The following EXOC6B variants were observed in gnomAD, a reference collection of about 807,000 sequenced individuals.
EXOC6B encodes the protein SEC15 homolog B.
In EXOC6B, 54 loss-of-function variants were observed where a neutral mutation model predicts 113.5. The observed-to-expected ratio is 0.48, with a 90% CI of 0.38 to 0.60. EXOC6B has a LOEUF of 0.60. EXOC6B is among the 20% of genes least tolerant of loss of function. The probability of loss-of-function intolerance (pLI) is 0.00; values close to 1 mark genes in which losing one functional copy is unlikely to be tolerated. For missense variants in EXOC6B, 797 were observed against 977.5 expected, an observed-to-expected ratio of 0.82 and a Z score of 2.46; for synonymous variants, 357 against 339.0, an observed-to-expected ratio of 1.05 and a Z score of -0.58.
intron 18 of EXOC6B, among the ~76,000 whole-genome samples, chr2:72,460,926 C>T (rs1159214806): frequency 1.3e-5 from 2 of 151,218 alleles, no homozygotes; most frequent in Admixed American, 6.6e-5. Context: ...TATTGCGGCA[C>T]TATTCACAAT....
intron 18 of EXOC6B, among the ~76,000 whole-genome samples, chr2:72,407,388 T>A (rs1159441842): frequency 6.6e-6 from 1 of 152,116 alleles, no homozygotes; most frequent in Middle Eastern, 3.2e-3. Flanking sequence ...ATCCCGATAC[T>A]AAAGCCTGGC....
At position 72,807,252 on chromosome 2, in the gene EXOC6B, C is replaced by G. The variant is rs187470843; in HGVS notation, c.113+18546G>C. ...TCTTCCACATATGGTTAACCAGTTA[C>G]CCCAGCACCGTTTATTAAATGGGGA... On this transcript the variant is annotated intron_variant, in intron 1 of 21. Transcript: ENST00000272427. 3.3e-4 allele frequency among the ~76,000 whole-genome samples: 50 copies of G among 152,200 alleles called. No individual in the cohort carries two copies. The East Asian group carries it at 7.7e-3, about 24-fold the overall frequency.
At chr2:72,496,347 T>C (rs1700032700) in intron 14 of EXOC6B, 107 bp downstream of exon 14, 1 of 670,868 alleles carries the variant, frequency 1.5e-6, no homozygotes, top group African/African-American at 1.8e-5. Flanking sequence ...GTTTTAGAGT[T>C]CTAACCCATT....
At chr2:72,403,040 C>A (rs984224432) in intron 18 of EXOC6B, among the ~76,000 whole-genome samples, 1 of 152,296 alleles carries the variant, frequency 6.6e-6, no homozygotes, top group East Asian at 1.9e-4. Context: ...CAAATTGGAT[C>A]TCTGTTGGGA....
At chr2:72,199,630 C>G (rs1679372478) in intron 20 of EXOC6B, among the ~76,000 whole-genome samples, 1 of 152,114 alleles carries the variant, frequency 6.6e-6, no homozygotes. Flanking sequence ...CCATGAATAC[C>G]CTTCCTTTTC....
chr2:72,425,411 G>T (rs978932115), intron 18 of EXOC6B, among the ~76,000 whole-genome samples: 1 of 152,130 alleles, frequency 6.6e-6, no homozygotes, highest in Non-Finnish European at 1.5e-5. Context: ...TGTTATTACT[G>T]ATTGGAAGAC....
At chr2:72,231,514 T>G (rs1681616201) in intron 20 of EXOC6B, among the ~76,000 whole-genome samples, 2 of 152,082 alleles carry the variant, frequency 1.3e-5, no homozygotes, top group African/African-American at 4.8e-5. Flanking sequence ...TACATTTGAA[T>G]ACATACAAAT....
chr2:72,824,558 G>C (rs896819364), intron 1 of EXOC6B, among the ~76,000 whole-genome samples: 3 of 152,136 alleles, frequency 2.0e-5, no homozygotes, highest in African/African-American at 7.2e-5. Flanking sequence ...GAGAGGAGGA[G>C]TAATTTCCAG....
intron 6 of EXOC6B, among the ~76,000 whole-genome samples, chr2:72,609,890 T>C (rs1670971074): frequency 6.6e-6 from 1 of 152,082 alleles, no homozygotes; most frequent in East Asian, 1.9e-4. Context: ...AGACACATTA[T>C]ATTTAGGGAA....
chr2:72,203,769 C>A (rs1313511015), intron 20 of EXOC6B, among the ~76,000 whole-genome samples: 1 of 152,120 alleles, frequency 6.6e-6, no homozygotes, highest in African/African-American at 2.4e-5. Context: ...AGGTATTTCC[C>A]CCATGCATGT....
At chr2:72,454,146 C>A (rs546272090) in intron 18 of EXOC6B, among the ~76,000 whole-genome samples, 1 of 152,230 alleles carries the variant, frequency 6.6e-6, no homozygotes, top group East Asian at 1.9e-4. Flanking sequence ...AGAGCCAAAC[C>A]ATATCAGGTA....
At chr2:72,599,660 G>GAA (rs576418805) in intron 6 of EXOC6B, among the ~76,000 whole-genome samples, 1 of 146,290 alleles carries the variant, frequency 6.8e-6, no homozygotes, top group African/African-American at 2.5e-5. Context: ...ATCACAAGGG[G>GAA]AAAAAAAAAA....
At chr2:72,789,829 AT>A (rs966303806) in intron 1 of EXOC6B, among the ~76,000 whole-genome samples, 2 of 152,126 alleles carry the variant, frequency 1.3e-5, no homozygotes, top group Non-Finnish European at 2.9e-5. Context: ...CAAGTTAGGG[AT>A]TTTTCTCAAT....
chr2:72,713,555 T>C (rs1679406318), intron 6 of EXOC6B, among the ~76,000 whole-genome samples: 1 of 152,068 alleles, frequency 6.6e-6, no homozygotes, highest in Non-Finnish European at 1.5e-5. Context: ...TAGCATTAGG[T>C]ATATCTCCTA....
intron 19 of EXOC6B, among the ~76,000 whole-genome samples, chr2:72,379,004 A>T (rs1271719384): frequency 6.6e-6 from 1 of 152,210 alleles, no homozygotes; most frequent in Non-Finnish European, 1.5e-5. Flanking sequence ...TCAATGAGAC[A>T]TACAGGAAAG....
chr2:72,269,849 T>C (rs947356627), intron 20 of EXOC6B, among the ~76,000 whole-genome samples: 1 of 152,178 alleles, frequency 6.6e-6, no homozygotes, highest in Non-Finnish European at 1.5e-5. Context: ...CAGGAAATCT[T>C]CAAAGAATGA....
At chr2:72,751,328 C>T (rs143236298) in intron 1 of EXOC6B, among the ~76,000 whole-genome samples, 30 of 151,992 alleles carry the variant, frequency 2.0e-4, no homozygotes, top group Middle Eastern at 6.8e-3. Flanking sequence ...CCAGGTCATA[C>T]GTAGATTTAA....
chr2:72,388,022 C>T (rs141315636), intron 18 of EXOC6B, among the ~76,000 whole-genome samples: 18 of 152,198 alleles, frequency 1.2e-4, no homozygotes, highest in African/African-American at 4.3e-4. Context: ...GGACATTTGG[C>T]AATGTCTGAA....
intron 20 of EXOC6B, among the ~76,000 whole-genome samples, chr2:72,262,861 A>T (rs953377019): frequency 6.6e-6 from 1 of 152,216 alleles, no homozygotes; most frequent in African/African-American, 2.4e-5. Flanking sequence ...AAATTCACAA[A>T]AAAAGAGAAT....
Sources: allele counts gnomAD v4.1 joint callset (sites outside exome capture counted in the v4.1 genomes callset), GRCh38; gene constraint gnomAD v4.1.1; transcripts MANE v1.5; gene names NCBI Gene and HGNC (gene_info 2026-07-23, HGNC 2026-07-21).